RBFOX1: variants seen among roughly 807,000 people sequenced by gnomAD.
The protein encoded by RBFOX1 is RNA binding protein fox-1 homolog 1.
A neutral mutation model predicts 57.7 loss-of-function variants in RBFOX1; 8 were observed. The ratio of observed to expected loss-of-function variants is 0.14; its 90% CI spans 0.08 to 0.25. The LOEUF is 0.25. Among genes scored for constraint, RBFOX1 ranks in the 10% least tolerant of loss-of-function variants. The pLI is 1.00. For missense variants in RBFOX1, 611 were observed against 548.5 expected (o/e 1.11, Z -1.14); for synonymous variants, 326 against 222.4 (o/e 1.47, Z -4.15).
At chr16:6,190,056 A>G (rs1182295779) in intron 1 of RBFOX1, among the ~76,000 whole-genome samples, 1 of 152,176 alleles carries the variant, frequency 6.6e-6, no homozygotes, top group Non-Finnish European at 1.5e-5. Context: ...ATGTTTGTAT[A>G]TGTGTGAATT....
At chr16:6,318,447 T>C (rs1442945938) in intron 2 of RBFOX1, among the ~76,000 whole-genome samples, 1 of 152,174 alleles carries the variant, frequency 6.6e-6, no homozygotes, top group Non-Finnish European at 1.5e-5. Context: ...TTTTTCTGTT[T>C]AAAGCAGCAT....
At chr16:7,183,463 G>C (rs576114315) in intron 4 of RBFOX1, among the ~76,000 whole-genome samples, 1 of 152,296 alleles carries the variant, frequency 6.6e-6, no homozygotes, top group Admixed American at 6.5e-5. Context: ...TTATTAAATA[G>C]TGAAACCTTC....
At chr16:7,471,152 G>C (rs1298450833) in intron 4 of RBFOX1, among the ~76,000 whole-genome samples, 2 of 152,076 alleles carry the variant, frequency 1.3e-5, no homozygotes, top group Non-Finnish European at 2.9e-5. Context: ...TTCTTGGGGG[G>C]ATTTTCTATG....
At chr16:7,647,168 T>C (rs527580347) in intron 11 of RBFOX1, among the ~76,000 whole-genome samples, 2 of 152,306 alleles carry the variant, frequency 1.3e-5, no homozygotes, top group East Asian at 3.9e-4. Context: ...ATGGTTACTC[T>C]ACTAACCTCC....
intron 2 of RBFOX1, among the ~76,000 whole-genome samples, chr16:6,460,259 T>G (rs2094885253): frequency 6.6e-6 from 1 of 152,040 alleles, no homozygotes; most frequent in Non-Finnish European, 1.5e-5. Context: ...TGTTTTTCCC[T>G]GTGTGTGTGA....
At chr16:6,586,893 G>A (rs1229080929) in intron 2 of RBFOX1, among the ~76,000 whole-genome samples, 5 of 152,072 alleles carry the variant, frequency 3.3e-5, no homozygotes, top group African/African-American at 7.2e-5. Context: ...TTAAAAAATT[G>A]ACACTAAAAA....
intron 3 of RBFOX1, among the ~76,000 whole-genome samples, chr16:6,820,885 C>T (rs2091176723): frequency 6.6e-6 from 1 of 152,140 alleles, no homozygotes; most frequent in South Asian, 2.1e-4. Flanking sequence ...TGTTTTTCAT[C>T]CTTTGTCATC....
intron 3 of RBFOX1, among the ~76,000 whole-genome samples, chr16:7,044,946 C>T (rs1192830680): frequency 6.6e-6 from 1 of 152,110 alleles, no homozygotes; most frequent in Non-Finnish European, 1.5e-5. Flanking sequence ...ACTGAGTCTT[C>T]CAAGAATCAT....
At chr16:7,324,077 G>A (rs1165575700) in intron 4 of RBFOX1, among the ~76,000 whole-genome samples, 10 of 151,984 alleles carry the variant, frequency 6.6e-5, no homozygotes, top group African/African-American at 2.4e-4. Context: ...GCTTTTATAT[G>A]CTAATAGTCA....
intron 1 of RBFOX1, among the ~76,000 whole-genome samples, chr16:6,026,932 C>T (rs1450931445): frequency 1.3e-5 from 2 of 152,212 alleles, no homozygotes; most frequent in Non-Finnish European, 2.9e-5. Flanking sequence ...CAAACCACTG[C>T]TCACTCCATC....
intron 2 of RBFOX1, among the ~76,000 whole-genome samples, chr16:6,331,885 C>G (rs1306078375): frequency 1.3e-5 from 2 of 152,034 alleles, no homozygotes; most frequent in African/African-American, 4.8e-5. Flanking sequence ...TTTGCCTTGG[C>G]TGCCATCTTC....
At chr16:6,959,851 C>T (rs972702275) in intron 3 of RBFOX1, among the ~76,000 whole-genome samples, 17 of 152,186 alleles carry the variant, frequency 1.1e-4, no homozygotes, top group Admixed American at 5.2e-4. Flanking sequence ...GCAGGAGAAT[C>T]GCTTGAACCT....
chr16:6,774,138 C>G, intron 3 of RBFOX1: 1 of 419,840 alleles, frequency 2.4e-6, no homozygotes, highest in Non-Finnish European at 3.2e-6. Context: ...GGAACAAAGA[C>G]CGGCACTCTG....
chr16:6,452,588 GGGCCACAA>G (rs2094658516), intron 2 of RBFOX1, among the ~76,000 whole-genome samples: 1 of 152,134 alleles, frequency 6.6e-6, no homozygotes. Context: ...TGAACAATAG[GGGCCACAA>G]ACTCAACTAT....
chr16:6,826,195 A>G (rs2154281013), intron 3 of RBFOX1, among the ~76,000 whole-genome samples: 1 of 152,168 alleles, frequency 6.6e-6, no homozygotes, highest in South Asian at 2.1e-4. Context: ...GGTTGTATGT[A>G]TTGAGTCAGT....
intron 1 of RBFOX1, among the ~76,000 whole-genome samples, chr16:5,390,606 A>G (rs1004614918): frequency 6.6e-6 from 1 of 152,106 alleles, no homozygotes; most frequent in South Asian, 2.1e-4. Flanking sequence ...TTATTTTTAA[A>G]TGTCACAATA....
intron 4 of RBFOX1, among the ~76,000 whole-genome samples, chr16:7,493,604 G>A (rs927100578): frequency 6.6e-6 from 1 of 152,176 alleles, no homozygotes; most frequent in African/African-American, 2.4e-5. Flanking sequence ...GGAAGAAAAT[G>A]TAATAACAGA....
At chr16:5,268,622 G>A (rs144148870) in intron 1 of RBFOX1, among the ~76,000 whole-genome samples, 21 of 152,302 alleles carry the variant, frequency 1.4e-4, no homozygotes, top group African/African-American at 5.0e-4. Context: ...GAGGCCATTT[G>A]CACTGGGAGC....
At chr16:6,258,693 T>C (rs1203926624) in intron 1 of RBFOX1, among the ~76,000 whole-genome samples, 1 of 152,228 alleles carries the variant, frequency 6.6e-6, no homozygotes, top group East Asian at 1.9e-4. Flanking sequence ...TAAATGTTTA[T>C]AGTATCAACA....
Sources: allele counts gnomAD v4.1 joint callset (sites outside exome capture counted in the v4.1 genomes callset), GRCh38; gene constraint gnomAD v4.1.1; transcripts MANE v1.5; gene names NCBI Gene and HGNC (gene_info 2026-07-23, HGNC 2026-07-21).